The following MYO16 variants were observed in gnomAD, a reference collection of about 807,000 sequenced individuals.
MYO16 encodes myosin XVI, also known as unconventional myosin-XVI.
Under a neutral mutation model 205.3 loss-of-function variants are expected in MYO16, and 94 were observed. The ratio of observed to expected loss-of-function variants is 0.46; its 90% confidence interval spans 0.39 to 0.54. MYO16 has a LOEUF of 0.54. MYO16 is among the 20% of genes least tolerant of loss of function. The pLI, the probability that MYO16 is intolerant of heterozygous loss-of-function variation, is 0.00. For missense variants in MYO16, 2,315 were observed against 2,387.5 expected, an observed-to-expected ratio of 0.97 and a Z score of 0.63; for synonymous variants, 988 against 954.0, an observed-to-expected ratio of 1.04 and a Z score of -0.66.
intron 3 of MYO16, among the ~76,000 whole-genome samples, chr13:108,719,183 C>G (rs1884064485): frequency 6.6e-6 from 1 of 152,164 alleles, no homozygotes; most frequent in South Asian, 2.1e-4. Flanking sequence ...GCATTTTCCA[C>G]AGACTTCTTA....
intron 7 of MYO16, among the ~76,000 whole-genome samples, chr13:108,809,676 C>A (rs557134819): frequency 1.3e-5 from 2 of 152,190 alleles, no homozygotes; most frequent in African/African-American, 4.8e-5. Flanking sequence ...GACCCAATCA[C>A]CCCCAACCAG....
intron 25 of MYO16, among the ~76,000 whole-genome samples, chr13:109,053,321 G>A (rs1162586823): frequency 6.7e-6 from 1 of 149,478 alleles, no homozygotes; most frequent in Non-Finnish European, 1.5e-5. Context: ...GAGTGTGAGT[G>A]AGTGTGAGTG....
At chr13:108,864,901 C>T (rs553023560) in intron 11 of MYO16, among the ~76,000 whole-genome samples, 1 of 152,236 alleles carries the variant, frequency 6.6e-6, no homozygotes, top group East Asian at 1.9e-4. Flanking sequence ...TTAACATATC[C>T]ATCACCTCAC....
At chr13:108,527,898 G>T in the MYO16 span, among the ~76,000 whole-genome samples, 1 of 152,086 alleles carries the variant, frequency 6.6e-6, no homozygotes, top group Non-Finnish European at 1.5e-5. Context: ...GAAAGTGAGG[G>T]TGTTAGTTTT....
chr13:108,713,992 AAG>A (rs1883825053), intron 3 of MYO16, among the ~76,000 whole-genome samples: 1 of 152,182 alleles, frequency 6.6e-6, no homozygotes, highest in Admixed American at 6.5e-5. Flanking sequence ...ACATTCTGCT[AAG>A]AGTCTTCCAT....
At chr13:108,667,325 T>TG (rs201472195) in intron 2 of MYO16, among the ~76,000 whole-genome samples, 1 of 138,422 alleles carries the variant, frequency 7.2e-6, no homozygotes, top group African/African-American at 2.9e-5. Context: ...GTTTTGTTTT[T>TG]TTTTTTTTTT....
chr13:108,711,870 C>T (rs1486394113), intron 2 of MYO16, among the ~76,000 whole-genome samples: 1 of 152,112 alleles, frequency 6.6e-6, no homozygotes, highest in Non-Finnish European at 1.5e-5. Context: ...GTGGAAAATG[C>T]ATTCATGGTA....
chr13:108,676,511 C>T (rs986353688), intron 2 of MYO16, among the ~76,000 whole-genome samples: 1 of 152,008 alleles, frequency 6.6e-6, no homozygotes, highest in Non-Finnish European at 1.5e-5. Flanking sequence ...CTGAGAACTT[C>T]TATGATGTGA....
chr13:109,169,242 G>A (rs540059910), intron 33 of MYO16, among the ~76,000 whole-genome samples: 1 of 152,178 alleles, frequency 6.6e-6, no homozygotes, highest in East Asian at 1.9e-4. Context: ...TGCATCACAA[G>A]AGAACAAATA....
intron 1 of MYO16, among the ~76,000 whole-genome samples, chr13:108,656,827 C>T (rs1396124493): frequency 1.3e-5 from 2 of 152,256 alleles, no homozygotes; most frequent in East Asian, 3.9e-4. Flanking sequence ...TTTTTGAGTT[C>T]TACTCATAAA....
At position 108,878,847 on chromosome 13, in the gene MYO16, C is replaced by T. The variant is rs533249543; in HGVS notation, c.1426-4212C>T. The stretch of plus-strand genomic sequence containing the variant: ...ACAGTGGCCAAACAGATGAGCCACA[C>T]CCCGTCACACATCCTGCGAGCAGGA... On this transcript the variant is annotated intron_variant, in intron 12 of 34. Coordinates refer to ENST00000457511, the MANE Select transcript of MYO16 (RefSeq NM_001198950.3). Among the ~76,000 whole-genome samples the T allele has an allele frequency of 4.2e-4, 64 of 152,374 alleles. 1 individual carries two copies. The highest frequency in any genetic ancestry group is 1.5e-3 in the African/African-American group (62 of 41,592).
chr13:109,007,250 A>C (rs914474982), intron 21 of MYO16, among the ~76,000 whole-genome samples: 1 of 151,828 alleles, frequency 6.6e-6, no homozygotes, highest in Admixed American at 6.6e-5. Flanking sequence ...TAGCTGGGTG[A>C]GGTGGCGGGC....
rs545076667 is a variant in MYO16, at chr13:108,726,277, A to T, written c.364-1163A>T. Among the ~76,000 whole-genome samples, 8 of 152,128 alleles carry T rather than the reference A, an allele frequency of 5.3e-5. No individual in the cohort carries two copies. The South Asian group carries it at 1.7e-3, about 32-fold the overall frequency. On this transcript the variant is annotated intron_variant, in intron 3 of 34. Coordinates refer to ENST00000457511, the MANE Select transcript of MYO16 (RefSeq NM_001198950.3). ...AGATGTAAATATGAAAGATACTCGT[A>T]AGGCTGGGTGTGGTGGTTCTCGCCT... is the stretch of plus-strand genomic sequence containing the variant.
chr13:109,012,595 G>A (rs879611089), intron 22 of MYO16, among the ~76,000 whole-genome samples: 12 of 151,956 alleles, frequency 7.9e-5, no homozygotes, highest in Non-Finnish European at 1.0e-4. Context: ...CCCCTGGTCC[G>A]TGGAAAAATT....
intron 7 of MYO16, among the ~76,000 whole-genome samples, chr13:108,817,817 G>A (rs1315873424): frequency 2.0e-5 from 3 of 152,136 alleles, no homozygotes; most frequent in African/African-American, 7.2e-5. Context: ...AATTGAGTAT[G>A]AGCTACTTTG....
chr13:108,692,492 G>A (rs1234756100), intron 2 of MYO16, among the ~76,000 whole-genome samples: 4 of 152,212 alleles, frequency 2.6e-5, no homozygotes, highest in Non-Finnish European at 4.4e-5. Context: ...CTGACAGATA[G>A]ATTGCTCCTG....
intron 28 of MYO16, among the ~76,000 whole-genome samples, chr13:109,102,772 C>A (rs1416500180): frequency 6.6e-6 from 1 of 152,090 alleles, no homozygotes; most frequent in African/African-American, 2.4e-5. Context: ...GCTAGGATTG[C>A]AGCTGAGGAT....
chr13:108,752,150 CAAAT>C (rs946894631), intron 4 of MYO16, among the ~76,000 whole-genome samples: 31 of 152,224 alleles, frequency 2.0e-4, no homozygotes, highest in Admixed American at 1.8e-3. Flanking sequence ...AAACTGTCTT[CAAAT>C]AAAATATTAA....
At chr13:108,793,386 G>T in intron 5 of MYO16, 130 bp from the exon 6 acceptor site, 1 of 722,706 alleles carries the variant, frequency 1.4e-6, no homozygotes, top group African/African-American at 1.9e-5. Context: ...TTCTTTGAAT[G>T]AGTGTTCAAA....
Sources: gnomAD v4.1 joint callset for allele counts (sites outside exome capture counted in the v4.1 genomes callset) on GRCh38, gnomAD v4.1.1 for gene constraint, MANE v1.5 for transcripts, NCBI Gene and HGNC (gene_info 2026-07-23, HGNC 2026-07-21) for gene names.